The following CADM1 variants were observed in gnomAD, a reference collection of about 807,000 sequenced individuals.
The protein encoded by CADM1 is cell adhesion molecule 1, also known as TSLC-1.
A neutral mutation model predicts 53.1 loss-of-function variants in CADM1; 15 were observed. The ratio of observed to expected loss-of-function variants is 0.28; its 90% CI spans 0.19 to 0.44. CADM1 has a LOEUF of 0.44. Ranked by LOEUF, CADM1 falls within the 20% of genes least tolerant of loss-of-function variation. The pLI is 1.00. For missense variants in CADM1, 434 were observed against 611.3 expected (o/e 0.71, Z 3.06); for synonymous variants, 281 against 243.0 (o/e 1.16, Z -1.45).
At chr11:115,349,334 A>T (rs1945664423) in intron 1 of CADM1, among the ~76,000 whole-genome samples, 1 of 152,214 alleles carries the variant, frequency 6.6e-6, no homozygotes, top group Non-Finnish European at 1.5e-5. Context: ...TCTTCAATAA[A>T]GCTTTCTTCT....
At chr11:115,186,416 G>T (rs1329046068) in intron 10 of CADM1, among the ~76,000 whole-genome samples, 1 of 152,148 alleles carries the variant, frequency 6.6e-6, no homozygotes, top group Non-Finnish European at 1.5e-5. Context: ...CAGAGAGCCT[G>T]ACTTTTCCCT....
At chr11:115,402,411 T>C (rs1947182244) in intron 1 of CADM1, among the ~76,000 whole-genome samples, 1 of 152,132 alleles carries the variant, frequency 6.6e-6, no homozygotes, top group South Asian at 2.1e-4. Context: ...TAGTCGCAGC[T>C]ACTCAGGAGG....
At chr11:115,213,825 T>G (rs1450998286) in intron 7 of CADM1, among the ~76,000 whole-genome samples, 2 of 152,222 alleles carry the variant, frequency 1.3e-5, no homozygotes, top group Non-Finnish European at 2.9e-5. Flanking sequence ...GGCTATTTTT[T>G]GGCATATGAG....
chr11:115,295,275 C>A (rs368788847), intron 1 of CADM1, among the ~76,000 whole-genome samples: 1 of 151,894 alleles, frequency 6.6e-6, no homozygotes, highest in South Asian at 2.1e-4. Flanking sequence ...CACATCAGTA[C>A]GTCCACCTGC....
At chr11:115,216,421 T>C (rs148611902) in intron 6 of CADM1, among the ~76,000 whole-genome samples, 2 of 152,290 alleles carry the variant, frequency 1.3e-5, no homozygotes, top group Admixed American at 1.3e-4. Context: ...ACTGTAACTG[T>C]GGTTAATGTG....
intron 10 of CADM1, 163 bp downstream of exon 10, chr11:115,190,725 G>A: frequency 1.7e-6 from 1 of 582,358 alleles, no homozygotes; most frequent in South Asian, 2.2e-5. Flanking sequence ...GAAAACAGGT[G>A]AGTGGGTGAC....
intron 11 of CADM1, among the ~76,000 whole-genome samples, chr11:115,178,196 G>A (rs759383952): frequency 1.6e-4 from 25 of 152,076 alleles, no homozygotes; most frequent in Non-Finnish European, 3.4e-4. Context: ...CAGTCTTCTC[G>A]CCATTGTGAC....
At chr11:115,371,332 T>C (rs554418306) in intron 1 of CADM1, among the ~76,000 whole-genome samples, 4 of 152,166 alleles carry the variant, frequency 2.6e-5, no homozygotes, top group African/African-American at 4.8e-5. Flanking sequence ...ATGAGGTTCT[T>C]AGACTACAAA....
At chr11:115,312,433 A>G (rs1472603039) in intron 1 of CADM1, among the ~76,000 whole-genome samples, 1 of 152,102 alleles carries the variant, frequency 6.6e-6, no homozygotes, top group Non-Finnish European at 1.5e-5. Context: ...AAATAAATAC[A>G]CTGCTGGAAT....
chr11:115,334,753 G>C (rs1381787613), intron 1 of CADM1, among the ~76,000 whole-genome samples: 1 of 152,048 alleles, frequency 6.6e-6, no homozygotes, highest in African/African-American at 2.4e-5. Flanking sequence ...TCAGTGTTTT[G>C]AACAGTAAAT....
At chr11:115,320,989 A>G (rs12284145) in intron 1 of CADM1, among the ~76,000 whole-genome samples, 4,605 of 152,234 alleles carry the variant, frequency 0.03, 231 homozygotes, top group African/African-American at 0.1. Flanking sequence ...TATTTTGTAA[A>G]ATCCACATAG....
chr11:115,252,609 A>G (rs1281870408), intron 1 of CADM1, among the ~76,000 whole-genome samples: 1 of 152,220 alleles, frequency 6.6e-6, no homozygotes, highest in Non-Finnish European at 1.5e-5. Context: ...CATTAAAAAC[A>G]TGACTTATCG....
intron 1 of CADM1, among the ~76,000 whole-genome samples, chr11:115,472,562 G>A (rs1949040705): frequency 6.6e-6 from 1 of 152,118 alleles, no homozygotes; most frequent in Admixed American, 6.6e-5. Flanking sequence ...AACTAAATAT[G>A]ACATTCTTCA....
intron 1 of CADM1, among the ~76,000 whole-genome samples, chr11:115,455,531 G>C (rs1263354182): frequency 6.6e-6 from 1 of 152,062 alleles, no homozygotes; most frequent in African/African-American, 2.4e-5. Flanking sequence ...AGTGACAATT[G>C]CAACTGTGGA....
chr11:115,463,632 A>G (rs1591270957), intron 1 of CADM1, among the ~76,000 whole-genome samples: 1 of 152,238 alleles, frequency 6.6e-6, no homozygotes, highest in East Asian at 1.9e-4. Context: ...GGGTTCTCCT[A>G]TGAAAGGTTA....
chr11:115,219,706 C>T (rs4245161), intron 5 of CADM1, among the ~76,000 whole-genome samples: 150,328 of 152,266 alleles, frequency 0.99, 74,246 homozygotes, highest in East Asian at 1. Flanking sequence ...CACTGGGTGG[C>T]TCAAGAGCTC....
chr11:115,198,429 G>A lies in CADM1; in HGVS notation c.1088C>T (p.Ala363Val), dbSNP rs190009668. 83 of 1,595,520 alleles carry A rather than the reference G, an allele frequency of 5.2e-5. No homozygotes were observed. Among genetic ancestry groups the A allele is most frequent in the Middle Eastern group, 1.7e-4 (1 of 6,056 alleles). Residue 363 changes from alanine to valine, a missense_variant, in exon 9 of 12, where the codon GCG (alanine) becomes GTG (valine). Transcript: ENST00000331581. Reference protein sequence around the residue: ...TILTIITDTTATTEPAVHGLT... With the variant: ...TILTIITDTTVTTEPAVHGLT... ...ACCGTGAACTGCTGGTTCTGTCGTC[G>A]CCGTTGTGTCTACAGACGGGAACAG...
At chr11:115,389,166 A>T (rs1946772148) in intron 1 of CADM1, among the ~76,000 whole-genome samples, 1 of 152,174 alleles carries the variant, frequency 6.6e-6, no homozygotes, top group Non-Finnish European at 1.5e-5. Flanking sequence ...GTTCACAGAC[A>T]CAAATGATAA....
At chr11:115,321,903 T>G (rs1456046893) in intron 1 of CADM1, among the ~76,000 whole-genome samples, 1 of 152,122 alleles carries the variant, frequency 6.6e-6, no homozygotes. Flanking sequence ...AACTGGTAGG[T>G]TCTTAATTCT....
Sources: gnomAD v4.1 joint callset for allele counts (sites outside exome capture counted in the v4.1 genomes callset) on GRCh38, gnomAD v4.1.1 for gene constraint, MANE v1.5 for transcripts, NCBI Gene and HGNC (gene_info 2026-07-23, HGNC 2026-07-21) for gene names.